Variants in PPP3CC observed in about 807,000 individuals in gnomAD.
PPP3CC encodes the protein serine/threonine-protein phosphatase 2B catalytic subunit gamma isoform.
In PPP3CC, 35 loss-of-function variants were observed where a neutral mutation model predicts 60.3. The observed-to-expected ratio is 0.58, with a 90% CI of 0.44 to 0.77. The LOEUF is 0.77. Ranked by LOEUF, PPP3CC falls within the 30% of genes least tolerant of loss-of-function variation. The pLI is 0.00. For missense variants in PPP3CC, 570 were observed against 628.9 expected (o/e 0.91, Z 1.00); for synonymous variants, 206 against 224.3 (o/e 0.92, Z 0.73).
chr8:22,485,996 A>T (rs1838212028), intron 3 of PPP3CC, among the ~76,000 whole-genome samples: 1 of 152,174 alleles, frequency 6.6e-6, no homozygotes, highest in Admixed American at 6.5e-5. Context: ...GTTTCGGCAG[A>T]CATGCTTGCA....
At chr8:22,489,710 TAAG>T (rs1268426684) in intron 3 of PPP3CC, among the ~76,000 whole-genome samples, 85 of 134,502 alleles carry the variant, frequency 6.3e-4, no homozygotes, top group Admixed American at 8.1e-4. Context: ...ATATTATATA[TAAG>T]TATATATTAT....
Position 22,441,385 on chromosome 8 carries a change from G to C in PPP3CC, c.-25G>C, listed in dbSNP as rs768455818. ...TAGGCGCACGTCCGGCGGGCTCCTG[G>C]AGCCTGGAGGAGGCCGAGGGGACCA... is the stretch of plus-strand genomic sequence containing the variant. On this transcript the variant is annotated 5_prime_UTR_variant, in exon 1 of 14. Transcript: ENST00000240139. 3.9e-6 allele frequency: 6 copies of C among 1,528,354 alleles called. No individual in the cohort carries two copies. The highest frequency in any genetic ancestry group is 1.4e-5 in the African/African-American group (1 of 70,402). The allele number at this position is 1,528,354 out of a possible 1,614,324, so 94.7% of individuals were successfully genotyped here. A position where few individuals can be genotyped will look rare whatever the true frequency, so the allele number is the denominator to read the frequency against.
rs1836653568 is a variant in PPP3CC at position 22,441,176 on chromosome 8, G to C, written c.-234G>C. The C allele has an allele frequency of 2.5e-6, 1 of 396,672 alleles. No individual in the cohort carries two copies. Among genetic ancestry groups the C allele is most frequent in the African/African-American group, 2.1e-5 (1 of 47,814 alleles). 24.6% of individuals were successfully genotyped at this position (396,672 alleles called of 1,614,324 possible). ...TGCCGAAGCGGTGTTCCCCGCCTTA[G>C]CCGCTGGCGCCTCCCAAGAGAGCGG... On this transcript the variant is annotated 5_prime_UTR_variant, in exon 1 of 14. Transcript: ENST00000240139.
chr8:22,501,045 C>T (rs143375164), intron 4 of PPP3CC, among the ~76,000 whole-genome samples: 174 of 152,218 alleles, frequency 1.1e-3, no homozygotes, highest in African/African-American at 3.5e-3. Context: ...ATAGTCCCAG[C>T]TACTCAGGAG....
chr8:22,446,153 T>C (rs1836815926), intron 1 of PPP3CC, among the ~76,000 whole-genome samples: 1 of 152,164 alleles, frequency 6.6e-6, no homozygotes, highest in African/African-American at 2.4e-5. Context: ...AATGTACAAA[T>C]TATAAATGTA....
chr8:22,531,830 C>T lies in PPP3CC; in HGVS notation c.1142-395C>T, dbSNP rs554258326. 9.2e-5 allele frequency among the ~76,000 whole-genome samples: 14 copies of T among 152,318 alleles called. No individual in the cohort carries two copies. The South Asian group carries it at 2.7e-3, about 29-fold the overall frequency. On this transcript the variant is annotated intron_variant, in intron 10 of 13. Transcript: ENST00000240139. ...AATGATCACTTGCCATTTGGCAGGC[C>T]GAACCCTGCACCCTAAGGTGGCCCA...
At chr8:22,536,734 C>G (rs953145783) in intron 12 of PPP3CC, among the ~76,000 whole-genome samples, 4 of 152,144 alleles carry the variant, frequency 2.6e-5, no homozygotes, top group Admixed American at 6.5e-5. Flanking sequence ...GTCTCAGTTC[C>G]ACCAGCTCAT....
intron 3 of PPP3CC, among the ~76,000 whole-genome samples, chr8:22,485,324 G>A (rs1210687574): frequency 6.6e-6 from 1 of 152,134 alleles, no homozygotes; most frequent in Non-Finnish European, 1.5e-5. Flanking sequence ...AAAGAAAAAA[G>A]AGAGATCCCA....
At chr8:22,491,277 G>T (rs1838398038) in intron 3 of PPP3CC, among the ~76,000 whole-genome samples, 1 of 152,158 alleles carries the variant, frequency 6.6e-6, no homozygotes, top group South Asian at 2.1e-4. Context: ...GAATGGCTGT[G>T]CAAGTCTCTA....
At chr8:22,514,428 G>T (rs1239180165) in intron 6 of PPP3CC, among the ~76,000 whole-genome samples, 1 of 151,774 alleles carries the variant, frequency 6.6e-6, no homozygotes, top group Non-Finnish European at 1.5e-5. Context: ...ATGAAACTTT[G>T]ATTTCGCCAT....
chr8:22,461,799 C>T (rs1837369204), intron 1 of PPP3CC, among the ~76,000 whole-genome samples: 1 of 152,160 alleles, frequency 6.6e-6, no homozygotes, highest in Admixed American at 6.5e-5. Context: ...GTAGTCTGGG[C>T]AGGGATTGGC....
chr8:22,504,730 T>G (rs994878124), intron 4 of PPP3CC, among the ~76,000 whole-genome samples: 2 of 140,430 alleles, frequency 1.4e-5, no homozygotes, highest in African/African-American at 5.2e-5. Context: ...CTCCCTTCTT[T>G]CCTTCCTTCC....
intron 12 of PPP3CC, among the ~76,000 whole-genome samples, chr8:22,533,897 G>A (rs1326595825): frequency 6.6e-6 from 1 of 151,354 alleles, no homozygotes; most frequent in East Asian, 2.0e-4. Context: ...CTAGGAAATA[G>A]ATATTAAAAC....
intron 3 of PPP3CC, among the ~76,000 whole-genome samples, chr8:22,483,923 C>A (rs1257130353): frequency 6.6e-6 from 1 of 152,114 alleles, no homozygotes; most frequent in Non-Finnish European, 1.5e-5. Context: ...TCACTATAAC[C>A]CTGAACTCCT....
In PPP3CC at chr8:22,441,353, C is replaced by G; in HGVS notation, c.-57C>G. 6.7e-7 allele frequency: 1 copy of G among 1,496,536 alleles called. No homozygotes were observed. The highest frequency in any genetic ancestry group is 8.9e-7 in the Non-Finnish European group (1 of 1,123,434). The allele number at this position is 1,496,536 out of a possible 1,614,324, so 92.7% of individuals were successfully genotyped here. On this transcript the variant is annotated 5_prime_UTR_variant, in exon 1 of 14. Transcript: ENST00000240139. ...GGCTGCCCGAGGAGAAGGCGGCGGC[C>G]GCGGCGTAGGCGCACGTCCGGCGGG...
chr8:22,518,879 G>T (rs1201319230), intron 6 of PPP3CC, among the ~76,000 whole-genome samples: 2 of 152,080 alleles, frequency 1.3e-5, no homozygotes, highest in Admixed American at 1.3e-4. Context: ...TAGAGACGGA[G>T]TTTCACCATG....
At chr8:22,510,789 T>A (rs1408976182) in intron 4 of PPP3CC, 1 of 280,262 alleles carries the variant, frequency 3.6e-6, no homozygotes, top group Non-Finnish European at 6.8e-6. Context: ...ACCAGGTAAC[T>A]GGGTAATTTT....
At chr8:22,493,556 T>C (rs1265437578) in intron 3 of PPP3CC, among the ~76,000 whole-genome samples, 1 of 152,120 alleles carries the variant, frequency 6.6e-6, no homozygotes, top group Non-Finnish European at 1.5e-5. Context: ...ACTTTTAAAA[T>C]TTTTTGGTAA....
intron 4 of PPP3CC, among the ~76,000 whole-genome samples, chr8:22,498,558 G>C (rs1838659067): frequency 6.6e-6 from 1 of 152,000 alleles, no homozygotes; most frequent in African/African-American, 2.4e-5. Flanking sequence ...AAATAGTTCA[G>C]GTATACATAT....
Sources: allele counts gnomAD v4.1 joint callset (sites outside exome capture counted in the v4.1 genomes callset), GRCh38; gene constraint gnomAD v4.1.1; transcripts MANE v1.5; gene names NCBI Gene and HGNC (gene_info 2026-07-23, HGNC 2026-07-21).